The following NAALADL2 variants were observed in gnomAD, a reference collection of about 807,000 sequenced individuals.
NAALADL2 encodes the protein N-acetylated alpha-linked acidic dipeptidase like 2.
A neutral mutation model predicts 87.2 loss-of-function variants in NAALADL2; 76 were observed. That is an observed-to-expected ratio of 0.87 (90% CI 0.72 to 1.05). NAALADL2 has a LOEUF of 1.05. Among genes scored for constraint, NAALADL2 ranks in the 50% least tolerant of loss-of-function variants. The pLI, the probability that NAALADL2 is intolerant of heterozygous loss-of-function variation, is 0.00. For synonymous variants in NAALADL2, 354 were observed against 331.0 expected (o/e 1.07, Z -0.75); for missense variants, 1,089 against 945.8 (o/e 1.15, Z -1.99).
intron 1 of NAALADL2, among the ~76,000 whole-genome samples, chr3:174,477,400 C>T (rs997560140): frequency 2.0e-5 from 3 of 152,064 alleles, no homozygotes; most frequent in African/African-American, 7.2e-5. Context: ...AAAATAAAAT[C>T]CATACCTAAC....
intron 1 of NAALADL2, among the ~76,000 whole-genome samples, chr3:175,073,996 C>G (rs1716132720): frequency 6.6e-6 from 1 of 151,956 alleles, no homozygotes; most frequent in South Asian, 2.1e-4. Flanking sequence ...ATGAAACTTT[C>G]CTGTGTGTTT....
intron 5 of NAALADL2, among the ~76,000 whole-genome samples, chr3:175,377,448 A>C (rs1767272483): frequency 6.6e-6 from 1 of 151,930 alleles, no homozygotes; most frequent in African/African-American, 2.4e-5. Context: ...GCTTCTTCAC[A>C]TCTCTACTAT....
At chr3:174,751,858 ATGTGTG>A (rs148978072) in intron 3 of NAALADL2, among the ~76,000 whole-genome samples, 4 of 151,056 alleles carry the variant, frequency 2.6e-5, no homozygotes, top group Admixed American at 6.6e-5. Flanking sequence ...TTATGTATGT[ATGTGTG>A]TGTGTGTGTG....
At chr3:175,735,571 C>T (rs1210507560) in intron 11 of NAALADL2, among the ~76,000 whole-genome samples, 1 of 152,088 alleles carries the variant, frequency 6.6e-6, no homozygotes, top group Admixed American at 6.6e-5. Context: ...TTGCAGAATA[C>T]AAGGAGGAGC....
chr3:175,771,038 T>G (rs778882468), intron 13 of NAALADL2, among the ~76,000 whole-genome samples: 1 of 152,228 alleles, frequency 6.6e-6, no homozygotes, highest in African/African-American at 2.4e-5. Flanking sequence ...ATTTCAGACA[T>G]AGAGAGTTAA....
intron 3 of NAALADL2, among the ~76,000 whole-genome samples, chr3:174,807,124 A>G (rs976665741): frequency 6.6e-6 from 1 of 152,112 alleles, no homozygotes; most frequent in African/African-American, 2.4e-5. Context: ...AGGATTTGAA[A>G]TTTTATTAGC....
intron 2 of NAALADL2, among the ~76,000 whole-genome samples, chr3:175,188,223 C>T (rs972816229): frequency 2.6e-5 from 4 of 152,098 alleles, no homozygotes; most frequent in Non-Finnish European, 5.9e-5. Context: ...GATACTTGAC[C>T]TATTACAAAC....
At chr3:175,748,580 G>A (rs1010438650) in intron 12 of NAALADL2, among the ~76,000 whole-genome samples, 4 of 152,130 alleles carry the variant, frequency 2.6e-5, no homozygotes, top group African/African-American at 4.8e-5. Context: ...AGGATAATAG[G>A]TTCTGGGAAA....
In NAALADL2 at chr3:175,236,507, C is replaced by T. The variant is rs560353347; in HGVS notation, c.819+2303C>T. 9.6e-5 allele frequency among the ~76,000 whole-genome samples: 14 copies of T among 145,338 alleles called. No individual in the cohort carries two copies. In the South Asian group the frequency reaches 1.3e-3, roughly 14 times the overall value. On this transcript the variant is annotated intron_variant, in intron 3 of 13. Transcript: ENST00000454872. Reference sequence around the variant, plus strand: ...AGGTTGCAGTCAGCCAAGATTGCCCCATTGCACTGCAACCTGGGCAACAAG... The same window carrying T: ...AGGTTGCAGTCAGCCAAGATTGCCCTATTGCACTGCAACCTGGGCAACAAG...
At chr3:175,357,267 A>G (rs1764486071) in intron 5 of NAALADL2, among the ~76,000 whole-genome samples, 2 of 152,158 alleles carry the variant, frequency 1.3e-5, no homozygotes, top group African/African-American at 4.8e-5. Flanking sequence ...AGGAAAAGTG[A>G]CAGGCTATGC....
intron 4 of NAALADL2, among the ~76,000 whole-genome samples, chr3:175,284,516 T>TAA (rs143256782): frequency 2.0e-4 from 30 of 147,828 alleles, no homozygotes; most frequent in African/African-American, 6.6e-4. Flanking sequence ...AGGCCTGATT[T>TAA]AAAAAAAAAA....
Position 175,803,256 on chromosome 3 carries a change from C to G in NAALADL2, c.*53C>G. On this transcript the variant is annotated 3_prime_UTR_variant, in exon 14 of 14. Transcript: ENST00000454872. ...GTTTACAATTCCACAAGCAAAAGCTCTAATTTAACCAGATTTTCTGACATT... is the reference window on the plus strand; with the variant it reads ...GTTTACAATTCCACAAGCAAAAGCTGTAATTTAACCAGATTTTCTGACATT... 1.5e-6 allele frequency: 2 copies of G among 1,349,534 alleles called. No individual in the cohort carries two copies. The highest frequency in any genetic ancestry group is 2.0e-6 in the Non-Finnish European group (2 of 990,234). The allele number at this position is 1,349,534 out of a possible 1,614,324, so 83.6% of individuals were successfully genotyped here.
intron 10 of NAALADL2, among the ~76,000 whole-genome samples, chr3:175,615,503 T>C (rs1725217720): frequency 6.6e-6 from 1 of 152,156 alleles, no homozygotes; most frequent in South Asian, 2.1e-4. Context: ...GAGGCACAGA[T>C]AATTTAAGCA....
intron 10 of NAALADL2, among the ~76,000 whole-genome samples, chr3:175,585,446 T>G (rs1367904564): frequency 6.6e-6 from 1 of 152,236 alleles, no homozygotes; most frequent in Non-Finnish European, 1.5e-5. Context: ...AGGTCCTAAA[T>G]GTTTTAGCTT....
intron 1 of NAALADL2, among the ~76,000 whole-genome samples, chr3:175,007,629 G>GT (rs548716735): frequency 5.6e-4 from 85 of 152,230 alleles, no homozygotes; most frequent in African/African-American, 1.9e-3. Context: ...GAGAAGTAGC[G>GT]TATGTCCTGC....
intron 1 of NAALADL2, among the ~76,000 whole-genome samples, chr3:174,930,715 A>G (rs966827975): frequency 2.9e-5 from 4 of 137,432 alleles, no homozygotes; most frequent in Non-Finnish European, 6.1e-5. Context: ...TCTGCCTCCC[A>G]GGTTCTCACC....
intron 1 of NAALADL2, among the ~76,000 whole-genome samples, chr3:174,929,300 A>G (rs1255026471): frequency 6.6e-6 from 1 of 152,194 alleles, no homozygotes; most frequent in Non-Finnish European, 1.5e-5. Flanking sequence ...CAGTGAGGAA[A>G]GTGAAATGTC....
chr3:174,832,525 G>T (rs527988376), intron 3 of NAALADL2, among the ~76,000 whole-genome samples: 1 of 151,938 alleles, frequency 6.6e-6, no homozygotes, highest in Non-Finnish European at 1.5e-5. Flanking sequence ...GCAGTGGCTC[G>T]ATCTCAGCTC....
intron 1 of NAALADL2, among the ~76,000 whole-genome samples, chr3:175,045,971 TCAA>T (rs1234547719): frequency 6.7e-6 from 1 of 149,002 alleles, no homozygotes; most frequent in Non-Finnish European, 1.5e-5. Context: ...TAAGAGACAC[TCAA>T]CAAGAACCTC....
Sources: gnomAD v4.1 joint callset for allele counts (sites outside exome capture counted in the v4.1 genomes callset) on GRCh38, gnomAD v4.1.1 for gene constraint, MANE v1.5 for transcripts, NCBI Gene and HGNC (gene_info 2026-07-23, HGNC 2026-07-21) for gene names.